The following PDE4C variants were observed in gnomAD, a reference collection of about 807,000 sequenced individuals.
PDE4C encodes phosphodiesterase 4C, also known as 3',5'-cyclic-AMP phosphodiesterase 4C.
In PDE4C, 50 loss-of-function variants were observed where a neutral mutation model predicts 63.9. That is an observed-to-expected ratio of 0.78 (90% CI 0.62 to 0.99). PDE4C has a LOEUF of 0.99. PDE4C is among the 50% of genes least tolerant of loss of function. PDE4C has a pLI of 0.00. For synonymous variants in PDE4C, 377 were observed against 385.1 expected (o/e 0.98, Z 0.25); for missense variants, 777 against 899.1 (o/e 0.86, Z 1.74).
chr19:18,254,535 A>T, the PDE4C span, among the ~76,000 whole-genome samples: 3 of 152,230 alleles, frequency 2.0e-5, no homozygotes, highest in Non-Finnish European at 4.4e-5. Flanking sequence ...GGTCTGGGAC[A>T]AGCTGGACTG....
chr19:18,250,049 G>T, upstream of PDE4C: 1 of 398,702 alleles, frequency 2.5e-6, no homozygotes, highest in South Asian at 1.3e-4. Context: ...TGAATGGTAG[G>T]GGCTTTATTT....
upstream of PDE4C, among the ~76,000 whole-genome samples, chr19:18,229,055 C>T (rs142665122): frequency 7.1e-3 from 1,085 of 152,126 alleles, 6 homozygotes; most frequent in Non-Finnish European, 0.012. Flanking sequence ...CCTGCCTCAG[C>T]CTCCCAAGTA....
chr19:18,244,114 T>A (rs1969088954), intron 1 of PDE4C, among the ~76,000 whole-genome samples: 2 of 151,990 alleles, frequency 1.3e-5, no homozygotes, highest in South Asian at 4.2e-4. Flanking sequence ...CCTCAAGTAA[T>A]CCACCCACCT....
chr19:18,236,467 C>T (rs1235102187), upstream of PDE4C, among the ~76,000 whole-genome samples: 3 of 152,178 alleles, frequency 2.0e-5, no homozygotes, highest in Non-Finnish European at 4.4e-5. Context: ...AAGTGATGGA[C>T]CGGCCTCAGC....
intron 1 of PDE4C, among the ~76,000 whole-genome samples, chr19:18,224,998 G>C (rs1260366410): frequency 6.6e-6 from 1 of 152,234 alleles, no homozygotes; most frequent in Non-Finnish European, 1.5e-5. Flanking sequence ...GGGAAACTGA[G>C]GCCAGGAGCG....
chr19:18,221,029 C>T (rs1968451486), intron 4 of PDE4C, 76 bp downstream of exon 4: 2 of 1,119,374 alleles, frequency 1.8e-6, no homozygotes, highest in South Asian at 2.9e-5. Flanking sequence ...GGAGCCCCAG[C>T]CTCAATTTGC....
At chr19:18,232,582 A>G (rs978793395) in intron 1 of PDE4C, among the ~76,000 whole-genome samples, 5 of 152,054 alleles carry the variant, frequency 3.3e-5, no homozygotes, top group African/African-American at 1.2e-4. Context: ...AGGCACCACA[A>G]GGGGAGACAC....
upstream of PDE4C, among the ~76,000 whole-genome samples, chr19:18,235,319 C>T (rs182917488): frequency 6.0e-4 from 92 of 152,256 alleles, no homozygotes; most frequent in African/African-American, 1.8e-3. Flanking sequence ...TACAAGCACC[C>T]GCCACCACAC....
chr19:18,221,977 T>G (rs1449111548), intron 2 of PDE4C, among the ~76,000 whole-genome samples, 155 bp downstream of exon 2: 1 of 152,188 alleles, frequency 6.6e-6, no homozygotes, highest in Non-Finnish European at 1.5e-5. Flanking sequence ...GGCCAAGTTC[T>G]CTACACACTT....
chr19:18,220,350 G>A lies in PDE4C; in HGVS notation c.613-31C>T. The A allele has an allele frequency of 1.9e-6, 3 of 1,612,992 alleles. No homozygotes were observed. Among genetic ancestry groups the A allele is most frequent in the Non-Finnish European group, 2.5e-6 (3 of 1,178,984 alleles). ...GCGGAGAGAAGGTGAAGACCGTGAT[G>A]ATGGGGCACCGTGGGCCGAGGCAGG... On this transcript the variant is annotated intron_variant, in intron 6 of 14. Transcript: ENST00000262805. This position sits in a 1 kb window ranked among gnomAD's most constrained non-coding sequence, Gnocchi z 5.1.
At chr19:18,216,716 G>A (rs541965704) in intron 12 of PDE4C, 25 bp downstream of exon 12, 15 of 1,076,920 alleles carry the variant, frequency 1.4e-5, no homozygotes, top group South Asian at 9.3e-5. Context: ...TGCCCCTCCC[G>A]CCCCGCTTAC....
chr19:18,220,444 G>A lies in PDE4C; in HGVS notation c.571C>T (p.Leu191=), dbSNP rs762287765. The change falls in exon 6 of 15, where the codon CTG becomes TTG. Residue 191 remains leucine, a synonymous_variant. Transcript: ENST00000262805. The surrounding 1 kb of genome is among the most constrained non-coding windows in gnomAD (Gnocchi z 5.1). Reference sequence around the variant, plus strand: ...TCCCCCACCGAGTGCCGGGTCTGCAGCGTCTCCAACTGATCCAGGCACCAG... The same window carrying A: ...TCCCCCACCGAGTGCCGGGTCTGCAACGTCTCCAACTGATCCAGGCACCAG... The A allele has an allele frequency of 6.2e-7, 1 of 1,614,194 alleles. No individual in the cohort carries two copies.
At chr19:18,223,700 G>C (rs1412200665) in intron 1 of PDE4C, among the ~76,000 whole-genome samples, 1 of 152,224 alleles carries the variant, frequency 6.6e-6, no homozygotes, top group Non-Finnish European at 1.5e-5. Context: ...CTTTGAGGGG[G>C]TTACAACCGA....
chr19:18,211,795 C>T, exon 14 of PDE4C: 1 of 1,614,260 alleles, frequency 6.2e-7, no homozygotes, highest in Non-Finnish European at 8.5e-7. Context: ...GCTTGTCACA[C>T]ATGGGACTGA....
In PDE4C at chr19:18,221,146, G is replaced by A. The variant is rs1175691908; in HGVS notation, c.408C>T (p.Asn136=). ...ATTGCTGGCGGGCAAGGGCCGCCACGTTGCTCCGAACGGTCCGCAGACTGG... is the reference window on the plus strand; with the variant it reads ...ATTGCTGGCGGGCAAGGGCCGCCACATTGCTCCGAACGGTCCGCAGACTGG... The change falls in exon 4 of 15, where the codon AAC becomes AAT. Residue 136 remains asparagine, a synonymous_variant. Coordinates refer to ENST00000262805, the Ensembl canonical transcript of PDE4C. 4 of 1,551,256 alleles carry A rather than the reference G, an allele frequency of 2.6e-6. No individual in the cohort carries two copies. In the African/African-American group the frequency reaches 4.2e-5, roughly 16 times the overall value.
intron 9 of PDE4C, 61 bp from the exon 10 acceptor site, chr19:18,218,559 C>T: frequency 1.9e-6 from 3 of 1,580,224 alleles, no homozygotes; most frequent in Non-Finnish European, 2.6e-6. Context: ...CACGCTGTTC[C>T]TACCCCTCTC....
upstream of PDE4C, chr19:18,237,147 C>G (rs1968964630): frequency 6.6e-6 from 1 of 152,470 alleles, no homozygotes. Context: ...GACACCTGGA[C>G]TGGCCCAGAG....
At chr19:18,218,421 G>A (rs1968304021) in exon 10 of PDE4C, 1 of 1,614,116 alleles carries the variant, frequency 6.2e-7, no homozygotes, top group African/African-American at 1.3e-5. Context: ...CATTGGCGTG[G>A]TAGTGACCTT....
At chr19:18,243,900 G>A (rs532339268) in intron 1 of PDE4C, among the ~76,000 whole-genome samples, 2 of 152,198 alleles carry the variant, frequency 1.3e-5, no homozygotes, top group South Asian at 2.1e-4. Flanking sequence ...TGTTGCCCAG[G>A]CTGGAGTGCA....
Sources: gnomAD v4.1 joint callset for allele counts (sites outside exome capture counted in the v4.1 genomes callset) on GRCh38, gnomAD v4.1.1 for gene constraint, Gnocchi (gnomAD v3.1) non-coding constraint, MANE v1.5 for transcripts, NCBI Gene and HGNC (gene_info 2026-07-23, HGNC 2026-07-21) for gene names.